The following SPATA7 variants were observed in gnomAD, a reference collection of about 807,000 sequenced individuals.
SPATA7 encodes spermatogenesis-associated protein 7.
In SPATA7, 43 loss-of-function variants were observed where a neutral mutation model predicts 51.8. The ratio of observed to expected loss-of-function variants is 0.83; its 90% CI spans 0.65 to 1.07. The LOEUF (loss-of-function observed/expected upper bound fraction) is 1.07. Ranked by LOEUF, SPATA7 falls within the 50% of genes least tolerant of loss-of-function variation. The probability of loss-of-function intolerance (pLI) is 0.00; values close to 1 mark genes in which losing one functional copy is unlikely to be tolerated. For missense variants in SPATA7, 683 were observed against 701.3 expected, an observed-to-expected ratio of 0.97 and a Z score of 0.30; for synonymous variants, 230 against 252.8, an observed-to-expected ratio of 0.91 and a Z score of 0.86.
At chr14:88,461,398 C>T (rs2077316748) in intron 4 of SPATA7, among the ~76,000 whole-genome samples, 1 of 152,182 alleles carries the variant, frequency 6.6e-6, no homozygotes, top group Non-Finnish European at 1.5e-5. Flanking sequence ...CTACTCAAGC[C>T]TCAGCAATGG....
chr14:88,445,523 T>C (rs1438355166), intron 3 of SPATA7, among the ~76,000 whole-genome samples: 1 of 152,120 alleles, frequency 6.6e-6, no homozygotes, highest in African/African-American at 2.4e-5. Flanking sequence ...CAACACTGTG[T>C]TGAATAGGAG....
At chr14:88,417,316 T>TA (rs762378164) in intron 5 of SPATA7, among the ~76,000 whole-genome samples, 10,519 of 143,836 alleles carry the variant, frequency 0.073, 405 homozygotes, top group African/African-American at 0.094. Flanking sequence ...TTTTTTTTTT[T>TA]TATATATATA....
intron 3 of SPATA7, among the ~76,000 whole-genome samples, chr14:88,393,976 AC>A: frequency 6.6e-6 from 1 of 152,184 alleles, no homozygotes; most frequent in East Asian, 1.9e-4. Context: ...GAATCAGCTA[AC>A]TACACCGTTC....
At chr14:88,419,898 A>C (rs1221605481) in intron 5 of SPATA7, among the ~76,000 whole-genome samples, 1 of 152,082 alleles carries the variant, frequency 6.6e-6, no homozygotes, top group Non-Finnish European at 1.5e-5. Context: ...ATTTGAAGAC[A>C]ACACCCCCAC....
At chr14:88,427,379 G>A (rs1158409450) in intron 6 of SPATA7, among the ~76,000 whole-genome samples, 3 of 152,056 alleles carry the variant, frequency 2.0e-5, no homozygotes, top group Non-Finnish European at 4.4e-5. Flanking sequence ...CTGGCAGTAG[G>A]TTTTAGTTGT....
intron 4 of SPATA7, chr14:88,467,905 C>G: frequency 1.7e-6 from 1 of 605,104 alleles, no homozygotes; most frequent in South Asian, 1.9e-5. Flanking sequence ...CGGGGCAGGG[C>G]AAGGCCCTTG....
chr14:88,388,094 C>A (rs57795103), intron 1 of SPATA7, among the ~76,000 whole-genome samples: 5,345 of 151,836 alleles, frequency 0.035, 302 homozygotes, highest in African/African-American at 0.12. Flanking sequence ...CCCAGCTACT[C>A]GGGAGGCTAA....
downstream of SPATA7, among the ~76,000 whole-genome samples, chr14:88,443,451 A>G (rs1380725090): frequency 6.6e-6 from 1 of 151,792 alleles, no homozygotes; most frequent in African/African-American, 2.4e-5. Flanking sequence ...ATCGGTTGTA[A>G]TATGTCCTGC....
At chr14:88,459,696 A>T (rs770531459), downstream of SPATA7, among the ~76,000 whole-genome samples, 13 of 152,276 alleles carry the variant, frequency 8.5e-5, no homozygotes, top group Middle Eastern at 3.4e-3. Flanking sequence ...TTTTAATTGA[A>T]GCATTTAGCC....
At chr14:88,461,668 A>T (rs1267883418) in intron 4 of SPATA7, among the ~76,000 whole-genome samples, 2 of 151,892 alleles carry the variant, frequency 1.3e-5, no homozygotes, top group African/African-American at 4.8e-5. Flanking sequence ...GGCTGAGGCG[A>T]TGCCTCACCC....
chr14:88,438,244 T>C lies in SPATA7; in HGVS notation c.1622T>C (p.Ile541Thr), dbSNP rs139510848. The change falls in exon 12 of 12, where the codon ATT (isoleucine) becomes ACT (threonine). Residue 541 changes from isoleucine (I) to threonine (T), a missense_variant. Physicochemically the swap from Ile to Thr is moderately conservative, Grantham distance 89 (BLOSUM62 -1). Transcript: ENST00000393545. ...GATCGGGAAACTTCTGTGAATGTCA[T>C]TGAAGGTGATAGTGACCCTGAAAAG... Reference protein sequence around the residue: ...LTDRETSVNVIEGDSDPEKVE... With the variant: ...LTDRETSVNVTEGDSDPEKVE... The C allele has an allele frequency of 1.3e-4, 206 of 1,614,006 alleles. No homozygotes were observed. Among genetic ancestry groups the C allele is most frequent in the Non-Finnish European group, 1.6e-4 (183 of 1,180,004 alleles).
At chr14:88,443,970 A>G (rs1445679045) in intron 3 of SPATA7, among the ~76,000 whole-genome samples, 2 of 152,046 alleles carry the variant, frequency 1.3e-5, no homozygotes, top group African/African-American at 4.8e-5. Context: ...TTATAGCAGC[A>G]TGATTTATAG....
intron 5 of SPATA7, among the ~76,000 whole-genome samples, chr14:88,423,413 A>G (rs1322043468): frequency 6.7e-6 from 1 of 149,374 alleles, no homozygotes; most frequent in Non-Finnish European, 1.5e-5. Flanking sequence ...AAAAAAAGCC[A>G]GGCATGATGG....
intron 4 of SPATA7, among the ~76,000 whole-genome samples, chr14:88,396,900 T>C: frequency 7.0e-6 from 1 of 141,992 alleles, no homozygotes; most frequent in Non-Finnish European, 1.5e-5. Context: ...AGACAGGGTC[T>C]CACTCTATTG....
At chr14:88,422,114 G>T (rs1427476984) in intron 5 of SPATA7, among the ~76,000 whole-genome samples, 2 of 152,186 alleles carry the variant, frequency 1.3e-5, no homozygotes, top group East Asian at 3.9e-4. Flanking sequence ...TTTTCTTTGG[G>T]GCTGGAGGTA....
chr14:88,469,445 C>T lies in SPATA7; in HGVS notation c.255-402C>T. ...ATTTCGGAAACATAAATGTTCCTCT[C>T]TGTTTAACACCTCCAGAGGCAGCTG... On this transcript the variant is annotated intron_variant, in intron 4 of 4. Transcript: ENST00000556406. The surrounding 1 kb of genome is among the most constrained non-coding windows in gnomAD (Gnocchi z 4.3). 7.1e-7 allele frequency: 1 copy of T among 1,405,536 alleles called. No individual in the cohort carries two copies. 87.1% of individuals were successfully genotyped at this position (1,405,536 alleles called of 1,614,324 possible). A position where few individuals can be genotyped will look rare whatever the true frequency, so the allele number is the denominator to read the frequency against.
intron 4 of SPATA7, among the ~76,000 whole-genome samples, chr14:88,461,941 A>C (rs1224990386): frequency 6.6e-5 from 10 of 152,010 alleles, no homozygotes; most frequent in African/African-American, 2.4e-4. Flanking sequence ...GTTTTTATTA[A>C]ACCTGTTCTA....
chr14:88,404,443 G>T (rs73321870), intron 4 of SPATA7, among the ~76,000 whole-genome samples: 5,364 of 152,212 alleles, frequency 0.035, 310 homozygotes, highest in African/African-American at 0.12. Flanking sequence ...TAGGTCAGGC[G>T]TTGTGGCTCA....
chr14:88,442,597 A>AT (rs2077185198), downstream of SPATA7, among the ~76,000 whole-genome samples: 1 of 151,934 alleles, frequency 6.6e-6, no homozygotes, highest in African/African-American at 2.4e-5. Context: ...ACATTTATTG[A>AT]TTTTCAGATG....
Sources: gnomAD v4.1 joint callset for allele counts (sites outside exome capture counted in the v4.1 genomes callset) on GRCh38, gnomAD v4.1.1 for gene constraint, Gnocchi (gnomAD v3.1) non-coding constraint, MANE v1.5 for transcripts, NCBI Gene and HGNC (gene_info 2026-07-23, HGNC 2026-07-21) for gene names.